SMG9: variants seen among roughly 807,000 people sequenced by gnomAD.
SMG9 encodes the protein SMG9 nonsense mediated mRNA decay factor.
Under a neutral mutation model 64.0 loss-of-function variants are expected in SMG9, and 55 were observed. That is an observed-to-expected ratio of 0.86 (90% confidence interval 0.69 to 1.08). The LOEUF is 1.08. Ranked by LOEUF, SMG9 falls within the 50% of genes least tolerant of loss-of-function variation. The pLI is 0.00. For synonymous variants in SMG9, 244 were observed against 254.8 expected (o/e 0.96, Z 0.41); for missense variants, 554 against 681.3 (o/e 0.81, Z 2.08).
In SMG9 at chr19:43,733,619, C is replaced by T; in HGVS notation, c.1210+7G>A. ...ACTAGCTTGGGGGGTGATGTGGGAA[C>T]CCTTACCCTTGTAACGCAGGTGGGA... On this transcript the variant is annotated splice_region_variant and intron_variant, in intron 11 of 13. Transcript: ENST00000270066. The T allele has an allele frequency of 6.2e-7, 1 of 1,613,678 alleles. No individual in the cohort carries two copies. The highest frequency in any genetic ancestry group is 1.1e-5 in the South Asian group (1 of 91,070).
At chr19:43,734,029 G>T (rs1458864983) in intron 10 of SMG9, 3 of 541,980 alleles carry the variant, frequency 5.5e-6, no homozygotes, top group East Asian at 6.2e-5. Flanking sequence ...CAAAGGAACG[G>T]CATGTGCAAA....
At chr19:43,734,271 G>T in intron 10 of SMG9, 118 bp downstream of exon 10, 1 of 766,116 alleles carries the variant, frequency 1.3e-6, no homozygotes, top group Non-Finnish European at 2.1e-6. Flanking sequence ...ACTCTCAAAA[G>T]TGCTCCACCC....
At position 43,733,724 on chromosome 19, in the gene SMG9, T is replaced by C. The variant is rs1179883964; in HGVS notation, c.1112A>G (p.Gln371Arg). The change falls in exon 11 of 14, where the codon CAG (glutamine) becomes CGG (arginine). Residue 371 changes from glutamine (Q) to arginine (R), a missense_variant. By Grantham distance (43) the Gln-to-Arg change is conservative (BLOSUM62 1). Coordinates refer to ENST00000270066, the MANE Select transcript of SMG9 (RefSeq NM_019108.4). Reference protein sequence around the residue: ...TEYYPHLVFLQNKARREDFCP... With the variant: ...TEYYPHLVFLRNKARREDFCP... ...GAAGTCCTCTCGGCGAGCTTTGTTC[T>C]GCAAGAAGACTGAGGGTGGGAAGAG... The C allele has an allele frequency of 1.2e-6, 2 of 1,614,074 alleles. No individual in the cohort carries two copies. The highest frequency in any genetic ancestry group is 3.3e-5 in the Admixed American group (2 of 60,016).
At chr19:43,752,255 T>G (rs536011887) in intron 1 of SMG9, among the ~76,000 whole-genome samples, 1 of 152,250 alleles carries the variant, frequency 6.6e-6, no homozygotes. Context: ...ATATAATGTC[T>G]GGCTACCTAT....
Position 43,740,117 on chromosome 19 carries a change from A to G in SMG9, c.803T>C (p.Leu268Pro), listed in dbSNP as rs1968801506. The G allele has an allele frequency of 6.2e-7, 1 of 1,612,966 alleles. No individual in the cohort carries two copies. Among genetic ancestry groups the G allele is most frequent in the South Asian group, 1.1e-5 (1 of 91,072 alleles). Residue 268 changes from leucine to proline, a missense_variant, in exon 7 of 14, where the codon CTG (leucine) becomes CCG (proline). Leu to Pro is a moderately conservative substitution (Grantham distance 98). Coordinates refer to ENST00000270066, the MANE Select transcript of SMG9 (RefSeq NM_019108.4). ...AGGCGGGGCTGGCACCTGTGTGTCCAGGAAAACAATCCGTTCTTGGGTAAT... is the reference window on the plus strand; with the variant it reads ...AGGCGGGGCTGGCACCTGTGTGTCCGGGAAAACAATCCGTTCTTGGGTAAT... ...FFITQERIVF[L>P]DTQPILSPSI...
At chr19:43,749,770 C>T (rs544363514) in intron 2 of SMG9, among the ~76,000 whole-genome samples, 5 of 152,302 alleles carry the variant, frequency 3.3e-5, no homozygotes, top group African/African-American at 1.2e-4. Flanking sequence ...TGGGCACAAG[C>T]CGATCCCTCC....
At position 43,731,298 on chromosome 19, in the gene SMG9, C is replaced by G; in HGVS notation, c.*298G>C. ...CTGAAAAAGGAGGTCAAGATGGAGC[C>G]CGGGCTTCCTGGTGACCATTCAGAC... is the stretch of plus-strand genomic sequence containing the variant. On this transcript the variant is annotated 3_prime_UTR_variant, in exon 14 of 14. Coordinates refer to ENST00000270066, the MANE Select transcript of SMG9 (RefSeq NM_019108.4). 2 of 1,185,110 alleles carry G rather than the reference C, an allele frequency of 1.7e-6. No homozygotes were observed. The highest frequency in any genetic ancestry group is 2.1e-6 in the Non-Finnish European group (2 of 953,200). The allele number at this position is 1,185,110 out of a possible 1,614,324, so 73.4% of individuals were successfully genotyped here. A position where few individuals can be genotyped will look rare whatever the true frequency, so the allele number is the denominator to read the frequency against.
chr19:43,748,633 G>T (rs760066816), intron 2 of SMG9: 1 of 519,632 alleles, frequency 1.9e-6, no homozygotes, highest in Admixed American at 1.9e-5. Flanking sequence ...TGGCAAAGCT[G>T]GCAGGCTGAT....
In SMG9 at chr19:43,747,840, C is replaced by G. The variant is rs1969069630; in HGVS notation, c.283G>C (p.Glu95Gln). 1 of 1,606,606 alleles carries G rather than the reference C, an allele frequency of 6.2e-7. No homozygotes were observed. The highest frequency in any genetic ancestry group is 1.1e-5 in the South Asian group (1 of 90,070). Residue 95 changes from glutamate to glutamine, a missense_variant, in exon 4 of 14, where the codon GAG becomes CAG. Coordinates refer to ENST00000270066, the MANE Select transcript of SMG9 (RefSeq NM_019108.4). ...PAAPPAPAPL[E>Q]KPIVLMKPRE... ...GGCTTCATGAGAACGATGGGCTTCTCCAGAGGGGCTGGAGCAGGCGGGGCA... is the reference window on the plus strand; with the variant it reads ...GGCTTCATGAGAACGATGGGCTTCTGCAGAGGGGCTGGAGCAGGCGGGGCA...
At chr19:43,740,557 C>G (rs940678892) in intron 6 of SMG9, among the ~76,000 whole-genome samples, 3 of 152,158 alleles carry the variant, frequency 2.0e-5, no homozygotes, top group African/African-American at 7.2e-5. Context: ...TAACCTTTTT[C>G]CATCAGTTTC....
At chr19:43,737,394 T>C (rs1447373092) in intron 9 of SMG9, among the ~76,000 whole-genome samples, 1 of 152,236 alleles carries the variant, frequency 6.6e-6, no homozygotes, top group East Asian at 1.9e-4. Context: ...TTTGGATTTA[T>C]TCTGGTAGAT....
intron 1 of SMG9, among the ~76,000 whole-genome samples, chr19:43,753,232 T>C (rs1393734928): frequency 6.6e-6 from 1 of 152,124 alleles, no homozygotes; most frequent in African/African-American, 2.4e-5. Context: ...ACTCATTCCA[T>C]ACCGAAATGA....
rs942562727 is a variant in SMG9 at position 43,754,705 on chromosome 19, C to CG, written c.-59dup. 6.6e-6 allele frequency: 1 copy of CG among 152,052 alleles called. No homozygotes were observed. Among genetic ancestry groups the CG allele is most frequent in the African/African-American group, 2.4e-5 (1 of 41,404 alleles). The allele number at this position is 152,052 out of a possible 1,614,324, so 9.4% of individuals were successfully genotyped here. The stretch of plus-strand genomic sequence containing the variant: ...GGGCGCGGTGTGCGCTCTCCCGTGA[C>CG]GGGAGTCGGGTGGGGGCGGGGAGGC... On this transcript the variant is annotated 5_prime_UTR_variant, in exon 1 of 14. It removes the in-frame stop codon of an upstream open reading frame in the 5' UTR. Coordinates refer to ENST00000270066, the MANE Select transcript of SMG9 (RefSeq NM_019108.4).
Position 43,744,782 on chromosome 19 carries a change from C to T in SMG9, c.691G>A (p.Glu231Lys), listed in dbSNP as rs1176334150. The T allele has an allele frequency of 1.2e-6, 2 of 1,613,558 alleles. No individual in the cohort carries two copies. The highest frequency in any genetic ancestry group is 1.7e-6 in the Non-Finnish European group (2 of 1,179,716). ...MSLLSANTPE[E>K]DQRTYVFRAQ... ...CTGATAGCCCCTCACCTCTGGTCCT[C>T]CTCTGGAGTGTTGGCTGACAACAAT... The change falls in exon 6 of 14, where the codon GAG becomes AAG. Residue 231 changes from glutamate to lysine, a missense_variant. By Grantham distance (56) the Glu-to-Lys change is moderately conservative (BLOSUM62 1). Coordinates refer to ENST00000270066, the MANE Select transcript of SMG9 (RefSeq NM_019108.4).
In SMG9 at chr19:43,747,725, G is replaced by A. The variant is rs911097758; in HGVS notation, c.398C>T (p.Pro133Leu). 6.2e-7 allele frequency: 1 copy of A among 1,611,126 alleles called. No homozygotes were observed. Among genetic ancestry groups the A allele is most frequent in the African/African-American group, 1.3e-5 (1 of 74,866 alleles). Residue 133 changes from proline (P) to leucine (L), a missense_variant, in exon 4 of 14, where the codon CCC becomes CTC. By Grantham distance (98) the Pro-to-Leu change is moderately conservative. Coordinates refer to ENST00000270066, the MANE Select transcript of SMG9 (RefSeq NM_019108.4). ...TCTCTGCCCCTCCTTCTCCCCCTTG[G>A]GTGGCGCAGGGGCTGCAGGGGGTGG... ...APPPPAAPAP[P>L]KGEKEGQRPT...
intron 9 of SMG9, among the ~76,000 whole-genome samples, chr19:43,735,596 C>CA (rs2146365345): frequency 9.2e-6 from 1 of 108,672 alleles, no homozygotes; most frequent in East Asian, 2.6e-4. Flanking sequence ...GCCTGGGTAA[C>CA]AGAGTGAGAC....
rs1390219631 is a variant in SMG9 at position 43,730,433 on chromosome 19, T to C, written c.*1163A>G. Reference sequence around the variant, plus strand: ...CATTTCTAAGCAAGAGTAGATGAGGTTTACGAGAGGAAAGCCACTGTATTT... The same window carrying C: ...CATTTCTAAGCAAGAGTAGATGAGGCTTACGAGAGGAAAGCCACTGTATTT... On this transcript the variant is annotated 3_prime_UTR_variant, in exon 14 of 14. Transcript: ENST00000270066. 1 of 152,100 alleles carries C rather than the reference T, an allele frequency of 6.6e-6. No homozygotes were observed. Among genetic ancestry groups the C allele is most frequent in the Non-Finnish European group, 1.5e-5 (1 of 68,032 alleles). 9.4% of individuals were successfully genotyped at this position (152,100 alleles called of 1,614,324 possible).
chr19:43,733,120 G>A (rs1455808624), intron 12 of SMG9, 118 bp from the exon 13 acceptor site: 1 of 1,353,928 alleles, frequency 7.4e-7, no homozygotes, highest in Admixed American at 2.6e-5. Context: ...AGCTCTTCCT[G>A]TACTTCTATG....
intron 2 of SMG9, 94 bp downstream of exon 2, chr19:43,750,498 A>T (rs1293790495): frequency 4.2e-6 from 6 of 1,435,364 alleles, no homozygotes; most frequent in Middle Eastern, 4.2e-4. Flanking sequence ...TTGTTTACAA[A>T]TATATCCCCG....
Sources: allele counts gnomAD v4.1 joint callset (sites outside exome capture counted in the v4.1 genomes callset), GRCh38; gene constraint gnomAD v4.1.1; transcripts MANE v1.5; gene names NCBI Gene and HGNC (gene_info 2026-07-23, HGNC 2026-07-21).